Variants in CUX1 observed in about 807,000 individuals in gnomAD.
CUX1 encodes cut like homeobox 1.
A neutral mutation model predicts 158.8 loss-of-function variants in CUX1; 31 were observed. That is an observed-to-expected ratio of 0.20 (90% CI 0.15 to 0.26). CUX1 has a LOEUF of 0.26. Among genes scored for constraint, CUX1 ranks in the 10% least tolerant of loss-of-function variants. The probability of loss-of-function intolerance (pLI) is 1.00; values close to 1 mark genes in which losing one functional copy is unlikely to be tolerated. For missense variants in CUX1, 1,589 were observed against 2,014.6 expected, an observed-to-expected ratio of 0.79 and a Z score of 4.04; for synonymous variants, 879 against 862.1, an observed-to-expected ratio of 1.02 and a Z score of -0.34.
intron 2 of CUX1, among the ~76,000 whole-genome samples, chr7:101,993,652 G>A (rs1011244218): frequency 6.6e-6 from 1 of 152,144 alleles, no homozygotes; most frequent in African/African-American, 2.4e-5. Context: ...GCACCTCCAC[G>A]GCCTAGCTAT....
rs1812140290 is a variant in CUX1 at position 101,972,850 on chromosome 7, C to A, written c.142-55248C>A. 1.3e-5 allele frequency among the ~76,000 whole-genome samples: 2 copies of A among 152,200 alleles called. 1 individual carries two copies. The highest frequency in any genetic ancestry group is 4.1e-4 in the South Asian group (2 of 4,834). The stretch of plus-strand genomic sequence containing the variant: ...GTGGTAACCAACAGACACAGCCCTT[C>A]TTGGCATTCAAAGTTGCACCCTGAT... On this transcript the variant is annotated intron_variant, in intron 2 of 23. Transcript: ENST00000292535.
At chr7:102,273,253 C>T in intron 14 of CUX1, 1 of 1,419,142 alleles carries the variant, frequency 7.0e-7, no homozygotes, top group South Asian at 1.3e-5. Flanking sequence ...AGCACTCTCA[C>T]AGCATCCAGG....
In CUX1 at chr7:101,908,887, G is replaced by C. The variant is rs145811444; in HGVS notation, c.31-7228G>C. On this transcript the variant is annotated intron_variant, in intron 1 of 23. Coordinates refer to ENST00000292535, the MANE Select transcript of CUX1 (RefSeq NM_181552.4). ...TATGTCCAGAGAAAGGAAGTCATTT[G>C]ACCACAGCCACACAGGTTACAATGG... Among the ~76,000 whole-genome samples the C allele has an allele frequency of 6.2e-3, 950 of 152,288 alleles. 12 individuals are homozygous for C. The highest frequency in any genetic ancestry group is 0.022 in the African/African-American group (900 of 41,562).
chr7:102,229,470 C>T (rs868984825), intron 21 of CUX1, among the ~76,000 whole-genome samples: 5 of 151,932 alleles, frequency 3.3e-5, no homozygotes, highest in African/African-American at 1.2e-4. Context: ...CGCCACCGTG[C>T]CCAGCTAATT....
chr7:101,857,428 A>C (rs1023746737), intron 1 of CUX1, among the ~76,000 whole-genome samples: 1 of 152,230 alleles, frequency 6.6e-6, no homozygotes, highest in African/African-American at 2.4e-5. Context: ...TCTTACTTAC[A>C]TAGTCTGCTT....
intron 2 of CUX1, among the ~76,000 whole-genome samples, chr7:101,948,758 G>A (rs7785266): frequency 0.2 from 29,817 of 152,094 alleles, 3,845 homozygotes; most frequent in African/African-American, 0.36. Context: ...GAGGTCCTCC[G>A]TTTTCCAGAG....
At chr7:102,147,131 G>A (rs1563309350) in intron 8 of CUX1, among the ~76,000 whole-genome samples, 1 of 152,226 alleles carries the variant, frequency 6.6e-6, no homozygotes, top group East Asian at 1.9e-4. Flanking sequence ...CTTTGATTGG[G>A]GAGGGGTGGG....
intron 8 of CUX1, among the ~76,000 whole-genome samples, chr7:102,141,307 G>A (rs1254775837): frequency 6.6e-6 from 1 of 152,124 alleles, no homozygotes; most frequent in Non-Finnish European, 1.5e-5. Flanking sequence ...CCAGCCCTGC[G>A]GGGTACAGGA....
At chr7:101,969,359 C>CAAAAAAAAA (rs10711703) in intron 2 of CUX1, among the ~76,000 whole-genome samples, 77 of 55,958 alleles carry the variant, frequency 1.4e-3, no homozygotes, top group Middle Eastern at 0.013. Context: ...CAAAAAACAG[C>CAAAAAAAAA]AAAAAAAAAA....
At chr7:102,019,350 G>C (rs1050102354) in intron 2 of CUX1, among the ~76,000 whole-genome samples, 1 of 151,608 alleles carries the variant, frequency 6.6e-6, no homozygotes, top group Non-Finnish European at 1.5e-5. Flanking sequence ...TCGGCCTTTG[G>C]AGTAGCTGGG....
Position 102,021,237 on chromosome 7 carries a change from G to A in CUX1, c.142-6861G>A, listed in dbSNP as rs150886148. Among the ~76,000 whole-genome samples, 537 of 152,242 alleles carry A rather than the reference G, an allele frequency of 3.5e-3. 10 individuals are homozygous for A. The highest frequency in any genetic ancestry group is 0.028 in the Admixed American group (424 of 15,276). On this transcript the variant is annotated intron_variant, in intron 2 of 23. Coordinates refer to ENST00000292535, the MANE Select transcript of CUX1 (RefSeq NM_181552.4). ...GTTGTACCTCTTAAATGCAGTCAGG[G>A]TTATTTCCCAGAAAAGTATCCAAGT...
chr7:102,211,330 C>G (rs868991304), intron 20 of CUX1, among the ~76,000 whole-genome samples: 4 of 151,676 alleles, frequency 2.6e-5, no homozygotes, highest in African/African-American at 4.9e-5. Context: ...CCTGTGATCC[C>G]TGCTACTCAG....
intron 2 of CUX1, among the ~76,000 whole-genome samples, chr7:101,923,649 G>A (rs1044988977): frequency 3.3e-5 from 5 of 152,206 alleles, no homozygotes; most frequent in African/African-American, 1.2e-4. Flanking sequence ...TCTCTGGAAC[G>A]TTAATCCCAA....
chr7:102,189,718 A>G (rs1794071801), intron 11 of CUX1, 95 bp from the exon 12 acceptor site: 2 of 1,350,382 alleles, frequency 1.5e-6, no homozygotes, highest in South Asian at 2.4e-5. Flanking sequence ...TTCCCCTCTC[A>G]GGCACAGCTG....
chr7:101,978,928 G>A (rs939188167), intron 2 of CUX1, among the ~76,000 whole-genome samples: 1 of 152,218 alleles, frequency 6.6e-6, no homozygotes, highest in East Asian at 1.9e-4. Flanking sequence ...CACAGAGCCC[G>A]GGGTATCATA....
At position 102,083,245 on chromosome 7, in the gene CUX1, A is replaced by G; in HGVS notation, c.268+12828A>G. Among the ~76,000 whole-genome samples the G allele has an allele frequency of 1.4e-5, 2 of 147,264 alleles. 1 individual carries two copies. The highest frequency in any genetic ancestry group is 3.1e-5 in the Non-Finnish European group (2 of 65,246). On this transcript the variant is annotated intron_variant, in intron 4 of 23. Coordinates refer to ENST00000292535, the MANE Select transcript of CUX1 (RefSeq NM_181552.4). ...GCATTTTCCTGATGATTAATGATGC[A>G]GAATATTTTTTCATGTGCATTTTTG...
intron 3 of CUX1, among the ~76,000 whole-genome samples, chr7:102,066,949 TAC>T (rs952687692): frequency 2.0e-5 from 3 of 152,232 alleles, no homozygotes; most frequent in African/African-American, 7.2e-5. Context: ...AGTACGTACA[TAC>T]ACACACGCGT....
At chr7:102,200,668 C>T (rs758045136) in intron 17 of CUX1, among the ~76,000 whole-genome samples, 2 of 150,370 alleles carry the variant, frequency 1.3e-5, no homozygotes, top group South Asian at 4.4e-4. Flanking sequence ...ACAGAAATTA[C>T]GCTCCTTAAC....
chr7:101,902,425 T>C (rs955447938), intron 1 of CUX1, among the ~76,000 whole-genome samples: 1 of 152,216 alleles, frequency 6.6e-6, no homozygotes, highest in Non-Finnish European at 1.5e-5. Flanking sequence ...TAATTGCCAC[T>C]AGCTACATGT....
Sources: allele counts gnomAD v4.1 joint callset (sites outside exome capture counted in the v4.1 genomes callset), GRCh38; gene constraint gnomAD v4.1.1; transcripts MANE v1.5; gene names NCBI Gene and HGNC (gene_info 2026-07-23, HGNC 2026-07-21).